Variants in ULK4 observed in about 807,000 individuals in gnomAD.
ULK4 encodes the protein unc-51 like kinase 4.
ULK4 carries 133 observed loss-of-function variants against 160.6 expected under a neutral mutation model. That is an observed-to-expected ratio of 0.83 (90% CI 0.72 to 0.96). ULK4 has a LOEUF of 0.96. ULK4 is among the 40% of genes least tolerant of loss of function. ULK4 has a pLI of 0.00. For synonymous variants in ULK4, 534 were observed against 539.8 expected (o/e 0.99, Z 0.15); for missense variants, 1,580 against 1,499.5 (o/e 1.05, Z -0.89).
At chr3:41,642,268 T>C (rs1472360152) in intron 30 of ULK4, among the ~76,000 whole-genome samples, 1 of 152,088 alleles carries the variant, frequency 6.6e-6, no homozygotes. Context: ...ATACATGTGC[T>C]ATGCTGGTGT....
At chr3:41,686,429 G>A (rs1312428076) in intron 27 of ULK4, among the ~76,000 whole-genome samples, 2 of 152,244 alleles carry the variant, frequency 1.3e-5, no homozygotes, top group South Asian at 2.1e-4. Flanking sequence ...GTTACGAAGA[G>A]TTAGATTTAG....
intron 35 of ULK4, among the ~76,000 whole-genome samples, chr3:41,292,552 A>G (rs1193922482): frequency 6.6e-6 from 1 of 152,042 alleles, no homozygotes; most frequent in African/African-American, 2.4e-5. Flanking sequence ...AGGCTGAGGT[A>G]GGGAGAACTG....
At chr3:41,851,442 G>C (rs1450436901) in intron 17 of ULK4, among the ~76,000 whole-genome samples, 6 of 152,140 alleles carry the variant, frequency 3.9e-5, no homozygotes. Context: ...TGATCATGGT[G>C]GATAAGCTTT....
chr3:41,882,390 C>A, intron 17 of ULK4: 4 of 657,860 alleles, frequency 6.1e-6, no homozygotes, highest in Non-Finnish European at 1.1e-5. Context: ...TCGTAGTATT[C>A]TTTTCTATAA....
intron 30 of ULK4, among the ~76,000 whole-genome samples, chr3:41,657,029 G>C (rs1216870368): frequency 1.3e-5 from 2 of 152,090 alleles, no homozygotes; most frequent in Admixed American, 6.6e-5. Context: ...GCAGTGCTCA[G>C]GGGAGTTAAC....
chr3:41,440,333 T>C (rs909959340), intron 34 of ULK4, among the ~76,000 whole-genome samples: 2 of 152,150 alleles, frequency 1.3e-5, no homozygotes, highest in Non-Finnish European at 2.9e-5. Context: ...TAACTGTAGA[T>C]TTTTCAGAGA....
chr3:41,674,355 A>G (rs2035635527), intron 29 of ULK4, among the ~76,000 whole-genome samples: 1 of 152,190 alleles, frequency 6.6e-6, no homozygotes, highest in South Asian at 2.1e-4. Context: ...ATTTTAATTA[A>G]TAAGGTCAAT....
intron 30 of ULK4, among the ~76,000 whole-genome samples, chr3:41,616,618 C>T (rs182856409): frequency 3.3e-5 from 5 of 152,288 alleles, no homozygotes; most frequent in East Asian, 1.9e-4. Flanking sequence ...GCTTTTCCCA[C>T]GGTTTTTTCA....
In ULK4 at chr3:41,856,550, TGTATATATATACAC is replaced by T. The variant is rs1185988205; in HGVS notation, c.1657-20593_1657-20580del. Among the ~76,000 whole-genome samples, 464 of 60,150 alleles carry T rather than the reference TGTATATATATACAC, an allele frequency of 7.7e-3. 2 individuals are homozygous for T. The highest frequency in any genetic ancestry group is 0.017 in the African/African-American group (165 of 9,710). The allele number at this position is 60,150 out of a possible 152,430, so 39.5% of individuals were successfully genotyped here. A position where few individuals can be genotyped will look rare whatever the true frequency, so the allele number is the denominator to read the frequency against. On this transcript the variant is annotated intron_variant, in intron 17 of 36. Coordinates refer to ENST00000301831, the MANE Select transcript of ULK4 (RefSeq NM_017886.4). The stretch of plus-strand genomic sequence containing the variant: ...ATATATATGTATGTATATATATATG[TGTATATATATACAC>T]ATATATATATGTGTATATATATACA...
intron 8 of ULK4, 102 bp from the exon 9 acceptor site, chr3:41,913,001 C>T: frequency 1.3e-5 from 12 of 918,260 alleles, no homozygotes; most frequent in Admixed American, 2.5e-5. Context: ...ACAAGGTACA[C>T]ATGTACCTTT....
In ULK4 at chr3:41,422,531, C is replaced by G. The variant is rs142289894; in HGVS notation, c.3493-24267G>C. Among the ~76,000 whole-genome samples the G allele has an allele frequency of 1.3e-3, 205 of 152,210 alleles. 1 individual carries two copies. Among genetic ancestry groups the G allele is most frequent in the Middle Eastern group, 0.01 (3 of 294 alleles). On this transcript the variant is annotated intron_variant, in intron 34 of 36. Transcript: ENST00000301831. ...TACTTTTCTGTAAAATCATCTACTT[C>G]TCTATATTTCCACATTTAATGCCTT...
chr3:41,830,789 C>T (rs1458802632), intron 18 of ULK4, among the ~76,000 whole-genome samples: 2 of 150,918 alleles, frequency 1.3e-5, no homozygotes, highest in African/African-American at 4.9e-5. Flanking sequence ...AAAAATCAGA[C>T]AATTGAAAGC....
intron 35 of ULK4, among the ~76,000 whole-genome samples, chr3:41,266,598 T>C (rs914606041): frequency 9.2e-5 from 14 of 152,198 alleles, no homozygotes; most frequent in African/African-American, 3.4e-4. Context: ...TGATGGCTTA[T>C]AATACAAGGT....
intron 35 of ULK4, among the ~76,000 whole-genome samples, chr3:41,305,561 G>A (rs927144091): frequency 6.6e-6 from 1 of 152,118 alleles, no homozygotes; most frequent in Admixed American, 6.5e-5. Context: ...GCGTGATCTC[G>A]GCTCGCTACA....
At chr3:41,825,702 C>T (rs965753579) in intron 18 of ULK4, among the ~76,000 whole-genome samples, 16 of 152,270 alleles carry the variant, frequency 1.1e-4, no homozygotes, top group South Asian at 2.1e-4. Flanking sequence ...CTGAAAGTGA[C>T]AGGGAGAATG....
intron 20 of ULK4, 59 bp from the exon 21 acceptor site, chr3:41,789,902 G>A: frequency 7.2e-7 from 1 of 1,389,068 alleles, no homozygotes; most frequent in Non-Finnish European, 9.6e-7. Context: ...TCATTCCCCT[G>A]AAAGGTAACA....
At chr3:41,471,740 A>G (rs1460760373) in intron 32 of ULK4, among the ~76,000 whole-genome samples, 1 of 152,152 alleles carries the variant, frequency 6.6e-6, no homozygotes, top group Non-Finnish European at 1.5e-5. Context: ...GAAAAACAAC[A>G]TGTTCCTGAA....
intron 17 of ULK4, chr3:41,859,390 G>A (rs188163497): frequency 3.5e-6 from 2 of 566,958 alleles, no homozygotes; most frequent in East Asian, 9.3e-5. Flanking sequence ...GGCTTCATTT[G>A]TCAACTGTGG....
intron 35 of ULK4, among the ~76,000 whole-genome samples, chr3:41,388,723 C>T (rs1334495439): frequency 6.6e-6 from 1 of 151,984 alleles, no homozygotes; most frequent in Non-Finnish European, 1.5e-5. Context: ...TGTTCTGTTC[C>T]ATTGATCTAT....
Sources: gnomAD v4.1 joint callset for allele counts (sites outside exome capture counted in the v4.1 genomes callset) on GRCh38, gnomAD v4.1.1 for gene constraint, MANE v1.5 for transcripts, NCBI Gene and HGNC (gene_info 2026-07-23, HGNC 2026-07-21) for gene names.